AKAP19: variants seen among roughly 807,000 people sequenced by gnomAD.
AKAP19 encodes the protein A-kinase anchoring protein 19.
chr2:189,927,773 C>T, the AKAP19 span, among the ~76,000 whole-genome samples: 1 of 152,128 alleles, frequency 6.6e-6, no homozygotes, highest in African/African-American at 2.4e-5. Flanking sequence ...TAAGCCTGTG[C>T]TGTTCAGTCT....
the AKAP19 span, chr2:189,931,155 A>G: frequency 9.3e-6 from 3 of 323,236 alleles, no homozygotes; most frequent in Non-Finnish European, 1.1e-5. Context: ...TTTAGCATCT[A>G]CTGATGATGA....
At chr2:189,892,596 C>T in the AKAP19 span, among the ~76,000 whole-genome samples, 6 of 152,220 alleles carry the variant, frequency 3.9e-5, no homozygotes, top group Non-Finnish European at 5.9e-5. Flanking sequence ...CCTGTTCCTT[C>T]CTCTGGAAGC....
chr2:189,936,232 C>T, the AKAP19 span, among the ~76,000 whole-genome samples: 20,422 of 150,178 alleles, frequency 0.14, 1,538 homozygotes, highest in Middle Eastern at 0.24. Flanking sequence ...ATGTCATAGA[C>T]TTGAATGACT....
chr2:189,971,759 T>C, the AKAP19 span, among the ~76,000 whole-genome samples: 29 of 152,342 alleles, frequency 1.9e-4, no homozygotes, highest in African/African-American at 7.0e-4. Context: ...TATTGTGACT[T>C]TTGGCTGCAT....
the AKAP19 span, among the ~76,000 whole-genome samples, chr2:190,059,017 C>T: frequency 6.6e-6 from 1 of 151,036 alleles, no homozygotes; most frequent in Non-Finnish European, 1.5e-5. Context: ...TATATATATA[C>T]ACATATATAT....
the AKAP19 span, among the ~76,000 whole-genome samples, chr2:189,909,701 C>A: frequency 6.6e-6 from 1 of 151,990 alleles, no homozygotes; most frequent in African/African-American, 2.4e-5. Context: ...AATCCATTTA[C>A]AAGTTATTGT....
At chr2:190,195,185 T>C in the AKAP19 span, among the ~76,000 whole-genome samples, 35 of 152,280 alleles carry the variant, frequency 2.3e-4, no homozygotes, top group Middle Eastern at 0.01. Flanking sequence ...ATGCTGAATA[T>C]GTTCCATTGT....
the AKAP19 span, among the ~76,000 whole-genome samples, chr2:189,996,936 A>G: frequency 4.6e-5 from 7 of 152,212 alleles, no homozygotes; most frequent in Non-Finnish European, 7.3e-5. Context: ...GAGACTCCCA[A>G]GATGTGATCT....
the AKAP19 span, chr2:190,056,934 T>C: frequency 2.5e-5 from 7 of 284,620 alleles, no homozygotes; most frequent in African/African-American, 4.4e-5. Flanking sequence ...CTTTAAAGCA[T>C]ACTCCTTTAA....
the AKAP19 span, among the ~76,000 whole-genome samples, chr2:189,959,303 A>G: frequency 6.6e-6 from 1 of 152,184 alleles, no homozygotes; most frequent in Non-Finnish European, 1.5e-5. Context: ...TACATTTCCT[A>G]GAAATAATGC....
chr2:190,192,356 T>A, the AKAP19 span, among the ~76,000 whole-genome samples: 1 of 152,092 alleles, frequency 6.6e-6, no homozygotes, highest in Non-Finnish European at 1.5e-5. Context: ...TTTATAGTCA[T>A]TCTTAACATT....
the AKAP19 span, among the ~76,000 whole-genome samples, chr2:189,983,654 C>T: frequency 1.3e-5 from 2 of 152,290 alleles, no homozygotes; most frequent in Admixed American, 6.5e-5. Context: ...TGTGCTCCAC[C>T]GTCTTTTATG....
chr2:189,974,512 A>G, the AKAP19 span, among the ~76,000 whole-genome samples: 2 of 152,262 alleles, frequency 1.3e-5, no homozygotes, highest in South Asian at 2.1e-4. Context: ...GTGCAGAGCT[A>G]TGTTCAATTC....
chr2:189,884,545 CCA>C, the AKAP19 span, among the ~76,000 whole-genome samples: 1 of 152,090 alleles, frequency 6.6e-6, no homozygotes, highest in South Asian at 2.1e-4. Context: ...AGATTCCCAG[CCA>C]CACACACACA....
At chr2:190,030,013 A>T in the AKAP19 span, among the ~76,000 whole-genome samples, 1 of 152,234 alleles carries the variant, frequency 6.6e-6, no homozygotes, top group Non-Finnish European at 1.5e-5. Context: ...TTTCATGAAA[A>T]GACAGAGCCT....
At chr2:189,885,498 A>G in the AKAP19 span, among the ~76,000 whole-genome samples, 2 of 152,210 alleles carry the variant, frequency 1.3e-5, no homozygotes, top group Non-Finnish European at 2.9e-5. Context: ...TCTGATTACA[A>G]CTATATGAGG....
chr2:189,951,120 C>T, the AKAP19 span, among the ~76,000 whole-genome samples: 1 of 150,836 alleles, frequency 6.6e-6, no homozygotes, highest in Non-Finnish European at 1.5e-5. Context: ...TCAAATCAGA[C>T]TTCCTAGTAC....
At chr2:190,031,422 C>T in the AKAP19 span, among the ~76,000 whole-genome samples, 3 of 152,074 alleles carry the variant, frequency 2.0e-5, no homozygotes, top group East Asian at 1.9e-4. Flanking sequence ...AATAGAGTTG[C>T]CTTCTTTTAT....
the AKAP19 span, among the ~76,000 whole-genome samples, chr2:190,113,290 G>A: frequency 2.6e-5 from 4 of 152,090 alleles, no homozygotes; most frequent in African/African-American, 7.2e-5. Context: ...CTGAGACAGG[G>A]TCAATCTAAT....
Sources: allele counts gnomAD v4.1 joint callset (sites outside exome capture counted in the v4.1 genomes callset), GRCh38; gene constraint gnomAD v4.1.1; transcripts MANE v1.5; gene names NCBI Gene and HGNC (gene_info 2026-07-23, HGNC 2026-07-21).